The following GRIK4 variants were observed in gnomAD, a reference collection of about 807,000 sequenced individuals.
GRIK4 encodes the protein glutamate receptor ionotropic, kainate 4.
Under a neutral mutation model 104.9 loss-of-function variants are expected in GRIK4, and 40 were observed. The observed-to-expected ratio is 0.38, with a 90% CI of 0.30 to 0.50. The LOEUF is 0.50. Among genes scored for constraint, GRIK4 ranks in the 20% least tolerant of loss-of-function variants. The pLI is 0.93. For synonymous variants in GRIK4, 485 were observed against 524.9 expected (o/e 0.92, Z 1.04); for missense variants, 1,047 against 1,308.1 (o/e 0.80, Z 3.08).
chr11:120,830,187 G>GA lies in GRIK4; in HGVS notation c.512-1649dup, dbSNP rs559392750. Among the ~76,000 whole-genome samples, 836 of 112,740 alleles carry GA rather than the reference G, an allele frequency of 7.4e-3. 9 individuals are homozygous for GA. The highest frequency in any genetic ancestry group is 0.021 in the African/African-American group (660 of 31,802). The allele number at this position is 112,740 out of a possible 152,430, so 74.0% of individuals were successfully genotyped here. ...TCCACTACCCTCTCCTTCCTATGAA[G>GA]AAAAAAAAAAAAAAAAGCACAGACA... On this transcript the variant is annotated intron_variant, in intron 6 of 20. Transcript: ENST00000527524.
chr11:120,568,017 A>G (rs796924285), intron 1 of GRIK4, among the ~76,000 whole-genome samples: 1 of 152,248 alleles, frequency 6.6e-6, no homozygotes, highest in African/African-American at 2.4e-5. Flanking sequence ...GCCTCTACAA[A>G]AAATAAAATA....
chr11:120,630,752 T>C (rs1377988964), intron 1 of GRIK4, among the ~76,000 whole-genome samples: 2 of 152,234 alleles, frequency 1.3e-5, no homozygotes, highest in African/African-American at 4.8e-5. Flanking sequence ...TGCAACACCA[T>C]TGGATGCGGA....
intron 1 of GRIK4, among the ~76,000 whole-genome samples, chr11:120,526,818 C>T (rs1318810912): frequency 6.6e-6 from 1 of 152,042 alleles, no homozygotes; most frequent in Non-Finnish European, 1.5e-5. Flanking sequence ...CATTGCACTC[C>T]AGCCTGTGCA....
intron 7 of GRIK4, among the ~76,000 whole-genome samples, chr11:120,833,539 C>T (rs763814576): frequency 4.6e-5 from 7 of 152,204 alleles, no homozygotes; most frequent in Non-Finnish European, 7.3e-5. Flanking sequence ...CAGGTTCCCC[C>T]TGTGGTAGCT....
At chr11:120,966,529 A>C (rs1171886867) in intron 18 of GRIK4, among the ~76,000 whole-genome samples, 1 of 152,014 alleles carries the variant, frequency 6.6e-6, no homozygotes, top group African/African-American at 2.4e-5. Context: ...GCACCATCAC[A>C]CCCAGCTAAT....
intron 1 of GRIK4, among the ~76,000 whole-genome samples, chr11:120,546,282 T>C (rs531423329): frequency 6.5e-4 from 99 of 152,310 alleles, no homozygotes; most frequent in African/African-American, 2.3e-3. Context: ...GCAGTCTCCC[T>C]TGCAGTCCTG....
intron 19 of GRIK4, among the ~76,000 whole-genome samples, chr11:120,969,051 G>A (rs1378218376): frequency 6.6e-6 from 1 of 152,160 alleles, no homozygotes; most frequent in African/African-American, 2.4e-5. Context: ...CATCAATAGG[G>A]ATATGCTGAG....
At position 120,690,325 on chromosome 11, in the gene GRIK4, C is replaced by T. The variant is rs575171566; in HGVS notation, c.82+29925C>T. On this transcript the variant is annotated intron_variant, in intron 3 of 20. Coordinates refer to ENST00000527524, the MANE Select transcript of GRIK4 (RefSeq NM_014619.5). ...ATAGAATGCCCTGCAGCTTGATGTTCGAGAATGATCTTTTGTGTGGGCTTG... is the reference window on the plus strand; with the variant it reads ...ATAGAATGCCCTGCAGCTTGATGTTTGAGAATGATCTTTTGTGTGGGCTTG... 4.6e-5 allele frequency among the ~76,000 whole-genome samples: 7 copies of T among 152,260 alleles called. No individual in the cohort carries two copies. In the East Asian group the frequency reaches 9.6e-4, roughly 21 times the overall value.
intron 3 of GRIK4, among the ~76,000 whole-genome samples, chr11:120,718,214 C>T (rs1319430220): frequency 3.3e-5 from 5 of 152,062 alleles, no homozygotes; most frequent in African/African-American, 1.2e-4. Context: ...CCTAATATGT[C>T]CCCTCAAGTC....
At chr11:120,625,394 G>A (rs1949245424) in intron 1 of GRIK4, among the ~76,000 whole-genome samples, 1 of 152,168 alleles carries the variant, frequency 6.6e-6, no homozygotes, top group Non-Finnish European at 1.5e-5. Flanking sequence ...GAGAGAAGAA[G>A]CAGAAAGGAG....
chr11:120,887,578 A>T (rs1370839299), intron 11 of GRIK4, among the ~76,000 whole-genome samples: 3 of 152,198 alleles, frequency 2.0e-5, no homozygotes, highest in Non-Finnish European at 2.9e-5. Flanking sequence ...AATTCAACAG[A>T]TATTTACTGA....
At chr11:120,838,757 T>C (rs1953643329) in intron 8 of GRIK4, among the ~76,000 whole-genome samples, 1 of 152,008 alleles carries the variant, frequency 6.6e-6, no homozygotes, top group African/African-American at 2.4e-5. Flanking sequence ...GTTTGTTTGC[T>C]TTTTATTTTG....
intron 3 of GRIK4, among the ~76,000 whole-genome samples, chr11:120,696,090 G>A (rs1950444654): frequency 6.6e-6 from 1 of 152,164 alleles, no homozygotes; most frequent in Non-Finnish European, 1.5e-5. Context: ...GATGGAGTAG[G>A]GACCCTGGGA....
chr11:120,736,704 A>G (rs1286274299), intron 3 of GRIK4, among the ~76,000 whole-genome samples: 1 of 152,204 alleles, frequency 6.6e-6, no homozygotes, highest in East Asian at 1.9e-4. Context: ...ACATAGTTGT[A>G]TAGAAGAGGT....
chr11:120,941,715 T>C (rs745483328), intron 14 of GRIK4, among the ~76,000 whole-genome samples: 3 of 152,066 alleles, frequency 2.0e-5, no homozygotes, highest in Admixed American at 2.0e-4. Context: ...ATTGGAGTGA[T>C]GCATTTACAA....
chr11:120,872,167 C>T (rs576203117), intron 9 of GRIK4: 1 of 328,524 alleles, frequency 3.0e-6, no homozygotes, highest in East Asian at 7.8e-5. Context: ...GTTTGCAGAG[C>T]ACTTTTACAG....
chr11:120,959,548 CT>C (rs1438599693), intron 16 of GRIK4, among the ~76,000 whole-genome samples: 4 of 152,260 alleles, frequency 2.6e-5, no homozygotes, highest in Admixed American at 6.5e-5. Flanking sequence ...CCATCCCAAA[CT>C]GTGCTTAGAT....
intron 1 of GRIK4, among the ~76,000 whole-genome samples, chr11:120,512,957 G>A (rs1010593695): frequency 2.6e-5 from 4 of 152,172 alleles, no homozygotes; most frequent in African/African-American, 9.7e-5. Context: ...AGCCACTCCC[G>A]GGCTGGACCT....
At chr11:120,743,233 GAAAAAAA>G (rs1160708566) in intron 3 of GRIK4, among the ~76,000 whole-genome samples, 1 of 105,988 alleles carries the variant, frequency 9.4e-6, no homozygotes, top group Non-Finnish European at 2.0e-5. Context: ...CTGTCTCAGA[GAAAAAAA>G]AAAAAAAAAG....
Sources: allele counts gnomAD v4.1 joint callset (sites outside exome capture counted in the v4.1 genomes callset), GRCh38; gene constraint gnomAD v4.1.1; transcripts MANE v1.5; gene names NCBI Gene and HGNC (gene_info 2026-07-23, HGNC 2026-07-21).